The following SH3GL3 variants were observed in gnomAD, a reference collection of about 807,000 sequenced individuals.
SH3GL3 encodes SH3 domain containing GRB2 like 3, endophilin A3, also known as endophilin-A3.
SH3GL3 carries 33 observed loss-of-function variants against 47.7 expected under a neutral mutation model. The ratio of observed to expected loss-of-function variants is 0.69; its 90% CI spans 0.52 to 0.92. The LOEUF (loss-of-function observed/expected upper bound fraction) is 0.92. Ranked by LOEUF, SH3GL3 falls within the 40% of genes least tolerant of loss-of-function variation. The pLI, the probability that SH3GL3 is intolerant of heterozygous loss-of-function variation, is 0.00. For synonymous variants in SH3GL3, 155 were observed against 148.8 expected (o/e 1.04, Z -0.30); for missense variants, 363 against 417.8 (o/e 0.87, Z 1.14).
At chr15:83,531,551 C>T (rs1461619384) in intron 1 of SH3GL3, among the ~76,000 whole-genome samples, 2 of 152,156 alleles carry the variant, frequency 1.3e-5, no homozygotes, top group East Asian at 1.9e-4. Flanking sequence ...GCAGGCAGAT[C>T]GTGGAAGGAT....
At chr15:83,555,797 A>T (rs1421137622) in intron 1 of SH3GL3, among the ~76,000 whole-genome samples, 1 of 152,156 alleles carries the variant, frequency 6.6e-6, no homozygotes, top group Admixed American at 6.5e-5. Context: ...CAGGAACCAG[A>T]CTGCTGGCTG....
chr15:83,588,423 G>A (rs999359096), intron 7 of SH3GL3, among the ~76,000 whole-genome samples: 6 of 152,180 alleles, frequency 3.9e-5, no homozygotes, highest in Admixed American at 3.3e-4. Context: ...ACCATGGCTG[G>A]CCCAATTAGT....
intron 8 of SH3GL3, among the ~76,000 whole-genome samples, chr15:83,600,350 T>C (rs187429645): frequency 8.5e-5 from 13 of 152,328 alleles, no homozygotes; most frequent in African/African-American, 2.4e-4. Context: ...TTGATCCACG[T>C]TGAGTTGATT....
rs767294348 is a variant in SH3GL3 at position 83,576,489 on chromosome 15, C to T, written c.466-94C>T. On this transcript the variant is annotated intron_variant, in intron 5 of 8. Coordinates refer to ENST00000427482, the MANE Select transcript of SH3GL3 (RefSeq NM_003027.5). ...GGTTCCTGCCCTCTGGAATCTAGGC[C>T]GAGAAAAAGCAATGACCATTTTAAT... The T allele has an allele frequency of 1.9e-5, 23 of 1,211,314 alleles. 1 individual carries two copies. The highest frequency in any genetic ancestry group is 5.0e-5 in the South Asian group (3 of 60,176). The allele number at this position is 1,211,314 out of a possible 1,614,324, so 75.0% of individuals were successfully genotyped here. A position where few individuals can be genotyped will look rare whatever the true frequency, so the allele number is the denominator to read the frequency against.
chr15:83,601,405 A>T (rs1260426808), intron 8 of SH3GL3, among the ~76,000 whole-genome samples: 1 of 152,176 alleles, frequency 6.6e-6, no homozygotes, highest in Non-Finnish European at 1.5e-5. Context: ...TTTAATCACG[A>T]AGGGATGCTG....
chr15:83,465,381 A>G (rs774008132), intron 1 of SH3GL3, among the ~76,000 whole-genome samples: 15 of 151,902 alleles, frequency 9.9e-5, no homozygotes, highest in Non-Finnish European at 2.1e-4. Context: ...TTCTGCTTGC[A>G]TGTCTTCAGT....
At chr15:83,566,735 C>T (rs992434212) in intron 3 of SH3GL3, among the ~76,000 whole-genome samples, 14 of 152,100 alleles carry the variant, frequency 9.2e-5, no homozygotes, top group Non-Finnish European at 1.8e-4. Context: ...ATGATCATAC[C>T]ACTGCACTAC....
At chr15:83,581,608 GT>G (rs1304353918) in intron 6 of SH3GL3, among the ~76,000 whole-genome samples, 1 of 152,194 alleles carries the variant, frequency 6.6e-6, no homozygotes, top group Non-Finnish European at 1.5e-5. Context: ...TCCTTGCAGT[GT>G]CTAGGTACCC....
intron 1 of SH3GL3, among the ~76,000 whole-genome samples, chr15:83,536,090 C>T (rs779686848): frequency 2.0e-5 from 3 of 152,204 alleles, no homozygotes; most frequent in African/African-American, 4.8e-5. Flanking sequence ...GCTGTTACTG[C>T]GCAGCTACTA....
the SH3GL3 span, among the ~76,000 whole-genome samples, chr15:83,630,898 AT>A: frequency 2.6e-5 from 4 of 152,160 alleles, no homozygotes; most frequent in African/African-American, 9.7e-5. Context: ...GTCTTAAGGC[AT>A]TCCAGCATTA....
intron 1 of SH3GL3, among the ~76,000 whole-genome samples, chr15:83,542,104 C>T (rs904044338): frequency 2.6e-5 from 4 of 152,144 alleles, no homozygotes; most frequent in Non-Finnish European, 1.5e-5. Flanking sequence ...GGTTTGAGGT[C>T]TTAGATTTAA....
chr15:83,486,907 G>T (rs2041622412), intron 1 of SH3GL3, among the ~76,000 whole-genome samples: 1 of 152,132 alleles, frequency 6.6e-6, no homozygotes, highest in South Asian at 2.1e-4. Context: ...GAGAGAGAGA[G>T]CACTCTGGCC....
Position 83,616,484 on chromosome 15 carries a change from C to T in SH3GL3, c.839-1598C>T, listed in dbSNP as rs554038840. Among the ~76,000 whole-genome samples, 8 of 152,036 alleles carry T rather than the reference C, an allele frequency of 5.3e-5. No individual in the cohort carries two copies. In the South Asian group the frequency reaches 1.0e-3, roughly 20 times the overall value. On this transcript the variant is annotated intron_variant, in intron 8 of 8. Transcript: ENST00000427482. ...TTCTCGATCTCCTGAACTCGTGATCCGCCCGCCTCAGCCTCCCAAAGTGCT... is the reference window on the plus strand; with the variant it reads ...TTCTCGATCTCCTGAACTCGTGATCTGCCCGCCTCAGCCTCCCAAAGTGCT...
chr15:83,491,675 TG>T (rs2041880078), intron 1 of SH3GL3, among the ~76,000 whole-genome samples: 1 of 152,188 alleles, frequency 6.6e-6, no homozygotes, highest in South Asian at 2.1e-4. Flanking sequence ...CATCTTCAGA[TG>T]TTTGTTCCAA....
chr15:83,579,425 C>T (rs1200395186), intron 6 of SH3GL3, among the ~76,000 whole-genome samples: 1 of 152,152 alleles, frequency 6.6e-6, no homozygotes, highest in Non-Finnish European at 1.5e-5. Flanking sequence ...TCTACTTCTG[C>T]CATTGAGGTG....
chr15:83,592,253 A>C (rs892581555), intron 8 of SH3GL3, among the ~76,000 whole-genome samples: 2 of 151,796 alleles, frequency 1.3e-5, no homozygotes, highest in African/African-American at 4.8e-5. Flanking sequence ...CCCTCCCTTC[A>C]CCCTTCCAAT....
At chr15:83,493,383 G>T (rs964627546) in intron 1 of SH3GL3, among the ~76,000 whole-genome samples, 2 of 152,010 alleles carry the variant, frequency 1.3e-5, no homozygotes, top group Admixed American at 6.5e-5. Flanking sequence ...AAATGTTAAA[G>T]AAAACAAAAA....
intron 1 of SH3GL3, among the ~76,000 whole-genome samples, chr15:83,500,833 G>A (rs2042263801): frequency 6.6e-6 from 1 of 152,176 alleles, no homozygotes; most frequent in Non-Finnish European, 1.5e-5. Flanking sequence ...CACAATCCTT[G>A]GACTCTTTCT....
chr15:83,630,228 T>C, the SH3GL3 span, among the ~76,000 whole-genome samples: 3 of 152,178 alleles, frequency 2.0e-5, no homozygotes, highest in African/African-American at 4.8e-5. Flanking sequence ...CAGTCTCAGG[T>C]ATGTCTTTAT....
Sources: gnomAD v4.1 joint callset for allele counts (sites outside exome capture counted in the v4.1 genomes callset) on GRCh38, gnomAD v4.1.1 for gene constraint, MANE v1.5 for transcripts, NCBI Gene and HGNC (gene_info 2026-07-23, HGNC 2026-07-21) for gene names.